The following NRG3 variants were observed in gnomAD, a reference collection of about 807,000 sequenced individuals.
The protein encoded by NRG3 is pro-neuregulin-3, membrane-bound isoform.
Under a neutral mutation model 66.9 loss-of-function variants are expected in NRG3, and 31 were observed. The observed-to-expected ratio is 0.46, with a 90% confidence interval of 0.35 to 0.63. The LOEUF (loss-of-function observed/expected upper bound fraction) is 0.63, where lower values mean the gene tolerates loss of function less well. NRG3 is among the 20% of genes least tolerant of loss of function. NRG3 has a pLI of 0.00. For synonymous variants in NRG3, 393 were observed against 359.4 expected, an observed-to-expected ratio of 1.09 and a Z score of -1.06; for missense variants, 910 against 878.9, an observed-to-expected ratio of 1.04 and a Z score of -0.45.
intron 2 of NRG3, among the ~76,000 whole-genome samples, chr10:82,521,988 C>G (rs1275872070): frequency 6.6e-6 from 1 of 150,668 alleles, no homozygotes; most frequent in Admixed American, 6.6e-5. Flanking sequence ...ACCCCTAACT[C>G]TAGTTTTGTT....
chr10:82,213,972 T>C (rs2075536402), intron 1 of NRG3, among the ~76,000 whole-genome samples: 1 of 152,152 alleles, frequency 6.6e-6, no homozygotes, highest in Non-Finnish European at 1.5e-5. Flanking sequence ...CTGGGCTCTT[T>C]CTCTTTGGCT....
At chr10:81,904,819 C>T (rs10786760) in intron 1 of NRG3, among the ~76,000 whole-genome samples, 67,915 of 151,976 alleles carry the variant, frequency 0.45, 18,692 homozygotes, top group East Asian at 0.81. Flanking sequence ...CAAGTAATCT[C>T]CTCTCAGCCC....
At chr10:82,562,973 A>G (rs921589815) in intron 2 of NRG3, among the ~76,000 whole-genome samples, 1 of 152,112 alleles carries the variant, frequency 6.6e-6, no homozygotes, top group African/African-American at 2.4e-5. Flanking sequence ...CAGCCTTCTG[A>G]TATTTGCACA....
chr10:82,906,302 G>A (rs947716444), intron 4 of NRG3, among the ~76,000 whole-genome samples: 2 of 152,124 alleles, frequency 1.3e-5, no homozygotes, highest in Non-Finnish European at 2.9e-5. Flanking sequence ...TTCACACGTC[G>A]TATCATAATT....
chr10:82,529,264 G>A (rs1212761412), intron 2 of NRG3, among the ~76,000 whole-genome samples: 1 of 152,176 alleles, frequency 6.6e-6, no homozygotes, highest in Non-Finnish European at 1.5e-5. Context: ...CGGGCTTGTT[G>A]CCCCCAGCAA....
intron 2 of NRG3, among the ~76,000 whole-genome samples, chr10:82,653,110 G>A (rs1185109819): frequency 6.6e-6 from 1 of 152,130 alleles, no homozygotes; most frequent in Non-Finnish European, 1.5e-5. Context: ...CTCAATTAGT[G>A]ATGATTATAA....
chr10:82,266,260 G>T (rs539133474), intron 1 of NRG3, among the ~76,000 whole-genome samples: 41 of 152,248 alleles, frequency 2.7e-4, no homozygotes, highest in African/African-American at 9.6e-4. Context: ...GGGGCAGTCG[G>T]GGAGGGTGTG....
chr10:82,282,170 C>T (rs1160375458), intron 1 of NRG3, among the ~76,000 whole-genome samples: 1 of 151,990 alleles, frequency 6.6e-6, no homozygotes, highest in Non-Finnish European at 1.5e-5. Flanking sequence ...GTTGTTCTAG[C>T]CATTTTTTCT....
chr10:82,270,550 T>C (rs530630346), intron 1 of NRG3, among the ~76,000 whole-genome samples: 43 of 152,214 alleles, frequency 2.8e-4, no homozygotes, highest in South Asian at 1.7e-3. Context: ...TACATTATAT[T>C]CATTTCTTTT....
intron 2 of NRG3, among the ~76,000 whole-genome samples, chr10:82,635,150 G>A (rs1384723134): frequency 6.6e-6 from 1 of 152,122 alleles, no homozygotes; most frequent in Non-Finnish European, 1.5e-5. Context: ...GTTAGGAGAG[G>A]CTAATACAGT....
rs529067435 is a variant in NRG3, at chr10:82,372,828, A to G, written c.953+13960A>G. Reference sequence around the variant, plus strand: ...AGGCTGGTCTCAAACTCCAGGCCTCAAGGGATCCACTCACCTTGGCCTCCC... The same window carrying G: ...AGGCTGGTCTCAAACTCCAGGCCTCGAGGGATCCACTCACCTTGGCCTCCC... On this transcript the variant is annotated intron_variant, in intron 2 of 8. Transcript: ENST00000372141. 7.4e-4 allele frequency among the ~76,000 whole-genome samples: 112 copies of G among 152,296 alleles called. 1 individual carries two copies. Among genetic ancestry groups the G allele is most frequent in the Middle Eastern group, 3.4e-3 (1 of 294 alleles).
At chr10:82,132,515 TGA>T (rs1564593874) in intron 1 of NRG3, among the ~76,000 whole-genome samples, 224 of 10,770 alleles carry the variant, frequency 0.021, 66 homozygotes, top group Non-Finnish European at 0.045. Flanking sequence ...CATATATATA[TGA>T]TATATATGAT....
At chr10:82,095,872 A>G (rs1030677825) in intron 1 of NRG3, among the ~76,000 whole-genome samples, 17 of 152,196 alleles carry the variant, frequency 1.1e-4, no homozygotes, top group African/African-American at 2.9e-4. Context: ...AATTGACAGT[A>G]AACTGAGCAC....
intron 1 of NRG3, among the ~76,000 whole-genome samples, chr10:81,878,931 A>G (rs1187468502): frequency 1.3e-5 from 2 of 152,196 alleles, no homozygotes; most frequent in Non-Finnish European, 2.9e-5. Context: ...TTCACTGACA[A>G]TGAACATGCT....
chr10:82,074,147 G>T (rs1229733839), intron 1 of NRG3, among the ~76,000 whole-genome samples: 5 of 152,000 alleles, frequency 3.3e-5, no homozygotes, highest in Non-Finnish European at 7.4e-5. Flanking sequence ...CTCAGAGATG[G>T]CCAATGTGAA....
At chr10:82,689,994 A>G (rs576818060) in intron 2 of NRG3, among the ~76,000 whole-genome samples, 15 of 152,214 alleles carry the variant, frequency 9.9e-5, no homozygotes, top group Non-Finnish European at 1.9e-4. Flanking sequence ...ACTATTTTAT[A>G]ATGACCATTT....
At chr10:82,754,922 T>G (rs1012893451) in intron 3 of NRG3, among the ~76,000 whole-genome samples, 1 of 152,170 alleles carries the variant, frequency 6.6e-6, no homozygotes, top group Non-Finnish European at 1.5e-5. Flanking sequence ...TAGACTACTA[T>G]GCTTTTAATT....
chr10:82,018,620 G>A (rs1190141503), intron 1 of NRG3, among the ~76,000 whole-genome samples: 2 of 152,120 alleles, frequency 1.3e-5, no homozygotes, highest in Non-Finnish European at 2.9e-5. Context: ...TTGAGCAGTG[G>A]TTTGTAGTTC....
At chr10:82,618,332 GA>G (rs905261089) in intron 2 of NRG3, among the ~76,000 whole-genome samples, 1 of 152,000 alleles carries the variant, frequency 6.6e-6, no homozygotes. Flanking sequence ...AGACGGGGGG[GA>G]ATTTATGCGG....
Sources: gnomAD v4.1 joint callset for allele counts (sites outside exome capture counted in the v4.1 genomes callset) on GRCh38, gnomAD v4.1.1 for gene constraint, MANE v1.5 for transcripts, NCBI Gene and HGNC (gene_info 2026-07-23, HGNC 2026-07-21) for gene names.